The following NLGN1 variants were observed in gnomAD, a reference collection of about 807,000 sequenced individuals.
NLGN1 encodes the protein neuroligin-1.
A neutral mutation model predicts 65.5 loss-of-function variants in NLGN1; 12 were observed. That is an observed-to-expected ratio of 0.18 (90% CI 0.12 to 0.30). The LOEUF (loss-of-function observed/expected upper bound fraction) is 0.30. NLGN1 is among the 10% of genes least tolerant of loss of function. NLGN1 has a pLI of 1.00. For missense variants in NLGN1, 750 were observed against 1,007.1 expected (o/e 0.74, Z 3.46); for synonymous variants, 350 against 359.5 (o/e 0.97, Z 0.30).
Position 174,190,122 on chromosome 3 carries a change from A to G in NLGN1, c.647-85193A>G, listed in dbSNP as rs545096918. On this transcript the variant is annotated intron_variant, in intron 4 of 6. Coordinates refer to ENST00000457714, the Ensembl canonical transcript of NLGN1. ...ATTCAGTTTTTAAAAGTGAGTTATT[A>G]TATGACTTAGCACATATCATCCCTT... Among the ~76,000 whole-genome samples, 315 of 152,248 alleles carry G rather than the reference A, an allele frequency of 2.1e-3. 1 individual carries two copies. Among genetic ancestry groups the G allele is most frequent in the Middle Eastern group, 3.4e-3 (1 of 294 alleles).
the NLGN1 span, among the ~76,000 whole-genome samples, chr3:174,293,074 C>T: frequency 1.3e-5 from 2 of 151,304 alleles, no homozygotes; most frequent in Non-Finnish European, 3.0e-5. Context: ...TTTTTAAAAA[C>T]TTACAAATAC....
chr3:173,428,809 C>T (rs1716640747), intron 1 of NLGN1, among the ~76,000 whole-genome samples: 1 of 151,936 alleles, frequency 6.6e-6, no homozygotes, highest in South Asian at 2.1e-4. Flanking sequence ...CTCCCTTTAG[C>T]ATTTCTTATA....
At chr3:174,176,978 C>T (rs9854162) in intron 4 of NLGN1, among the ~76,000 whole-genome samples, 41,843 of 151,864 alleles carry the variant, frequency 0.28, 7,381 homozygotes, top group African/African-American at 0.5. Flanking sequence ...TAAAGAGTTA[C>T]CTGGTTCAGC....
rs967717824 is a variant in NLGN1 at position 173,526,075 on chromosome 3, T to C, written c.-320-78204T>C. Among the ~76,000 whole-genome samples, 22 of 152,206 alleles carry C rather than the reference T, an allele frequency of 1.4e-4. No individual in the cohort carries two copies. The East Asian group carries it at 3.7e-3, about 25-fold the overall frequency. On this transcript the variant is annotated intron_variant, in intron 2 of 6. Coordinates refer to ENST00000457714, the Ensembl canonical transcript of NLGN1. ...ACAAATGAGCAAAATGTATATTCTGTTGTTGTTGGGGAGAATGTTCTGTAA... is the reference window on the plus strand; with the variant it reads ...ACAAATGAGCAAAATGTATATTCTGCTGTTGTTGGGGAGAATGTTCTGTAA...
Position 173,880,030 on chromosome 3 carries a change from A to G in NLGN1, c.646+72198A>G, listed in dbSNP as rs538942700. 4.1e-4 allele frequency among the ~76,000 whole-genome samples: 62 copies of G among 152,322 alleles called. No individual in the cohort carries two copies. In the Middle Eastern group the frequency reaches 0.02, roughly 50 times the overall value. On this transcript the variant is annotated intron_variant, in intron 4 of 6. Coordinates refer to ENST00000457714, the Ensembl canonical transcript of NLGN1. Reference sequence around the variant, plus strand: ...TTCTTTGTAGCTATATCCTATAAGCAAGCATAGTTTTTCTTTCTCATCTTA... The same window carrying G: ...TTCTTTGTAGCTATATCCTATAAGCGAGCATAGTTTTTCTTTCTCATCTTA...
chr3:173,905,883 T>G (rs1436055725), intron 4 of NLGN1, among the ~76,000 whole-genome samples: 1 of 152,180 alleles, frequency 6.6e-6, no homozygotes, highest in Admixed American at 6.5e-5. Flanking sequence ...AGGTAGTCCC[T>G]GAAATTTAAT....
intron 4 of NLGN1, among the ~76,000 whole-genome samples, chr3:173,985,447 A>G (rs548587522): frequency 6.6e-6 from 1 of 152,320 alleles, no homozygotes; most frequent in Non-Finnish European, 1.5e-5. Flanking sequence ...GCAGGAACCC[A>G]TTCTAGTGCC....
intron 4 of NLGN1, among the ~76,000 whole-genome samples, chr3:173,854,109 A>G (rs562524898): frequency 6.6e-6 from 1 of 152,012 alleles, no homozygotes; most frequent in African/African-American, 2.4e-5. Flanking sequence ...TGCTTATAGA[A>G]TTTCATGTTA....
intron 3 of NLGN1, among the ~76,000 whole-genome samples, chr3:173,726,054 C>T (rs1036060842): frequency 6.6e-6 from 1 of 152,048 alleles, no homozygotes; most frequent in Non-Finnish European, 1.5e-5. Context: ...AACCCACCAC[C>T]TTTGTCATAG....
At chr3:174,240,649 A>G (rs143028232) in intron 4 of NLGN1, among the ~76,000 whole-genome samples, 5 of 152,364 alleles carry the variant, frequency 3.3e-5, no homozygotes, top group South Asian at 2.1e-4. Context: ...AGCAGCATCC[A>G]TAGAGTTTTG....
chr3:173,941,468 C>T (rs1052184147), intron 4 of NLGN1, among the ~76,000 whole-genome samples: 1 of 152,022 alleles, frequency 6.6e-6, no homozygotes, highest in African/African-American at 2.4e-5. Context: ...TCCTATTGGA[C>T]TCCCAGGCCT....
At chr3:173,659,456 C>G (rs1309929416) in intron 3 of NLGN1, among the ~76,000 whole-genome samples, 1 of 151,780 alleles carries the variant, frequency 6.6e-6, no homozygotes, top group Non-Finnish European at 1.5e-5. Context: ...TAACCATTTA[C>G]CTAGTGTGTA....
chr3:174,180,155 G>C (rs527617945), intron 4 of NLGN1, among the ~76,000 whole-genome samples: 2 of 152,106 alleles, frequency 1.3e-5, no homozygotes, highest in Non-Finnish European at 2.9e-5. Context: ...ACAAATGAAA[G>C]AAAAATTAAA....
At chr3:173,736,591 C>T (rs1232946801) in intron 3 of NLGN1, among the ~76,000 whole-genome samples, 1 of 151,702 alleles carries the variant, frequency 6.6e-6, no homozygotes, top group Non-Finnish European at 1.5e-5. Context: ...TGATGAAGTC[C>T]TCCATCTTTT....
At chr3:173,739,140 G>A (rs1421444110) in intron 3 of NLGN1, among the ~76,000 whole-genome samples, 4 of 151,932 alleles carry the variant, frequency 2.6e-5, no homozygotes, top group Admixed American at 6.6e-5. Flanking sequence ...CTCATGAGTC[G>A]TACTCATGGA....
rs902343076 is a variant in NLGN1, at chr3:173,642,270, T to C, written c.493+37179T>C. ...AAACAGGCAAAATATGCCATACAACTCTCCCAATTTATTGCCTTGAGAGTT... is the reference window on the plus strand; with the variant it reads ...AAACAGGCAAAATATGCCATACAACCCTCCCAATTTATTGCCTTGAGAGTT... On this transcript the variant is annotated intron_variant, in intron 3 of 6. Transcript: ENST00000457714. Among the ~76,000 whole-genome samples the C allele has an allele frequency of 2.9e-4, 44 of 152,036 alleles. 1 individual carries two copies. The highest frequency in any genetic ancestry group is 1.1e-3 in the African/African-American group (44 of 41,466).
intron 3 of NLGN1, among the ~76,000 whole-genome samples, chr3:173,611,902 T>G (rs988145312): frequency 6.6e-6 from 1 of 152,078 alleles, no homozygotes; most frequent in Non-Finnish European, 1.5e-5. Context: ...AAATTCTTGG[T>G]AAAAACTGCT....
intron 4 of NLGN1, among the ~76,000 whole-genome samples, chr3:173,892,406 A>G (rs1035118048): frequency 6.6e-6 from 1 of 151,970 alleles, no homozygotes; most frequent in Non-Finnish European, 1.5e-5. Context: ...AGATTTTCCT[A>G]TGTATGTTTT....
chr3:174,100,644 T>G (rs2152573723), intron 4 of NLGN1, among the ~76,000 whole-genome samples: 1 of 152,204 alleles, frequency 6.6e-6, no homozygotes, highest in South Asian at 2.1e-4. Flanking sequence ...CCATCTTCTC[T>G]TAAGCCACCA....
Sources: allele counts gnomAD v4.1 joint callset (sites outside exome capture counted in the v4.1 genomes callset), GRCh38; gene constraint gnomAD v4.1.1; transcripts MANE v1.5; gene names NCBI Gene and HGNC (gene_info 2026-07-23, HGNC 2026-07-21).